The following CCNY variants were observed in gnomAD, a reference collection of about 807,000 sequenced individuals.
CCNY encodes the protein cyclin-Y.
Under a neutral mutation model 42.8 loss-of-function variants are expected in CCNY, and 19 were observed. The observed-to-expected ratio is 0.44, with a 90% CI of 0.31 to 0.65. The LOEUF (loss-of-function observed/expected upper bound fraction) is 0.65, where lower values mean the gene tolerates loss of function less well. Ranked by LOEUF, CCNY falls within the 30% of genes least tolerant of loss-of-function variation. CCNY has a pLI of 0.07. For synonymous variants in CCNY, 165 were observed against 162.7 expected (o/e 1.01, Z -0.11); for missense variants, 370 against 437.3 (o/e 0.85, Z 1.37).
chr10:35,504,741 A>G (rs1840180175), intron 3 of CCNY, among the ~76,000 whole-genome samples: 2 of 152,166 alleles, frequency 1.3e-5, no homozygotes, highest in East Asian at 1.9e-4. Flanking sequence ...GGTTCAAACT[A>G]TTCACCTGCC....
intron 1 of CCNY, among the ~76,000 whole-genome samples, chr10:35,345,410 A>G (rs954210467): frequency 6.6e-6 from 1 of 150,692 alleles, no homozygotes; most frequent in Non-Finnish European, 1.5e-5. Context: ...CGGAGCTTGC[A>G]GTGAACCGAG....
chr10:35,473,870 T>G (rs1479803992), intron 1 of CCNY, among the ~76,000 whole-genome samples: 3 of 152,122 alleles, frequency 2.0e-5, no homozygotes, highest in Non-Finnish European at 2.9e-5. Flanking sequence ...ATTTCTGCAT[T>G]TCCATCTGAG....
Position 35,418,969 on chromosome 10 carries a change from C to T in CCNY, c.155-64435C>T, listed in dbSNP as rs547802440. ...CCGAGTAGCTGGGATTATAGGCACG[C>T]GCCACCACACCCAGCTAATTTTTGT... On this transcript the variant is annotated intron_variant, in intron 1 of 9. Transcript: ENST00000374704. Among the ~76,000 whole-genome samples, 39 of 152,098 alleles carry T rather than the reference C, an allele frequency of 2.6e-4. No individual in the cohort carries two copies. In the East Asian group the frequency reaches 4.3e-3, roughly 17 times the overall value.
At chr10:35,533,616 G>T (rs1296270814) in intron 7 of CCNY, among the ~76,000 whole-genome samples, 1 of 152,116 alleles carries the variant, frequency 6.6e-6, no homozygotes, top group African/African-American at 2.4e-5. Flanking sequence ...GGCACATCAG[G>T]GGGCTGTTGC....
At chr10:35,257,130 CACACTGTATG>C (rs1476663163) in intron 3 of CCNY, among the ~76,000 whole-genome samples, 5 of 152,108 alleles carry the variant, frequency 3.3e-5, no homozygotes, top group Non-Finnish European at 7.4e-5. Flanking sequence ...CCTTACATTT[CACACTGTATG>C]ACTTTCTTGA....
chr10:35,290,816 G>GA (rs1281056806), intron 3 of CCNY, among the ~76,000 whole-genome samples: 3 of 151,406 alleles, frequency 2.0e-5, no homozygotes, highest in African/African-American at 7.3e-5. Context: ...TAACAACAAC[G>GA]AAAAAAACAA....
chr10:35,464,864 A>G (rs146309093), intron 1 of CCNY, among the ~76,000 whole-genome samples: 1,974 of 152,288 alleles, frequency 0.013, 20 homozygotes, highest in Non-Finnish European at 0.021. Context: ...TCTAGCTTTC[A>G]GGGTGTTGTC....
At chr10:35,336,160 C>T (rs144003374), upstream of CCNY, 4,103 of 152,290 alleles carry the variant, frequency 0.027, 75 homozygotes, top group South Asian at 0.051. Flanking sequence ...GCGCCCTGGG[C>T]CTGCGTCCCC....
chr10:35,496,370 G>T (rs568053921), intron 2 of CCNY, among the ~76,000 whole-genome samples: 2 of 152,336 alleles, frequency 1.3e-5, no homozygotes, highest in East Asian at 3.9e-4. Flanking sequence ...CCTACACGCG[G>T]TCTCCTCTCT....
At chr10:35,354,623 T>C (rs1836503938) in intron 1 of CCNY, among the ~76,000 whole-genome samples, 2 of 152,230 alleles carry the variant, frequency 1.3e-5, no homozygotes, top group Non-Finnish European at 1.5e-5. Flanking sequence ...GGGGCCCATC[T>C]TGGATGCTGC....
intron 2 of CCNY, among the ~76,000 whole-genome samples, chr10:35,248,915 C>A (rs2095709947): frequency 6.6e-6 from 1 of 152,094 alleles, no homozygotes; most frequent in Admixed American, 6.5e-5. Context: ...CTGAATTTTA[C>A]ACTTTTTAAA....
At position 35,516,639 on chromosome 10, in the gene CCNY, T is replaced by C. The variant is rs1359052916; in HGVS notation, c.365+16T>C. 7 of 1,387,798 alleles carry C rather than the reference T, an allele frequency of 5.0e-6. No individual in the cohort carries two copies. Among genetic ancestry groups the C allele is most frequent in the Non-Finnish European group, 7.0e-6 (7 of 1,001,152 alleles). 86.0% of individuals were successfully genotyped at this position (1,387,798 alleles called of 1,614,324 possible). A position where few individuals can be genotyped will look rare whatever the true frequency, so the allele number is the denominator to read the frequency against. Reference sequence around the variant, plus strand: ...CAATTAAATGGTGGGTATATGGATTTATTTCCTTCCTTCCTTCCTTCCTTT... The same window carrying C: ...CAATTAAATGGTGGGTATATGGATTCATTTCCTTCCTTCCTTCCTTCCTTT... On this transcript the variant is annotated intron_variant, in intron 4 of 9. Coordinates refer to ENST00000374704, the MANE Select transcript of CCNY (RefSeq NM_145012.6).
intron 1 of CCNY, among the ~76,000 whole-genome samples, chr10:35,479,611 T>A (rs1221677476): frequency 1.6e-4 from 4 of 24,382 alleles, no homozygotes; most frequent in African/African-American, 3.5e-4. Flanking sequence ...TGTTGTGGGG[T>A]GGGGGGAGGG....
intron 1 of CCNY, among the ~76,000 whole-genome samples, chr10:35,378,928 T>C (rs1837115193): frequency 6.6e-6 from 1 of 152,152 alleles, no homozygotes; most frequent in Non-Finnish European, 1.5e-5. Flanking sequence ...GCTTTATTGG[T>C]GAGAAGCTGA....
rs556153316 is a variant in CCNY, at chr10:35,553,173, C to T, written c.734C>T (p.Thr245Met). The T allele has an allele frequency of 5.0e-6, 8 of 1,614,038 alleles. No homozygotes were observed. The South Asian group carries it at 6.6e-5, about 13-fold the overall frequency. ...TACTGCCAGATCCTGAAAGACATCA[C>T]GGTGGAGGACATGTGAGTTGGGGGG... Reference protein sequence around the residue: ...VDYCQILKDITVEDMNELERQ... With the variant: ...VDYCQILKDIMVEDMNELERQ... Residue 245 changes from threonine to methionine, a missense_variant, in exon 8 of 10, where the codon ACG becomes ATG. Thr to Met is a moderately conservative substitution (Grantham distance 81, BLOSUM62 -1). Coordinates refer to ENST00000374704, the MANE Select transcript of CCNY (RefSeq NM_145012.6).
chr10:35,350,787 T>C (rs1405051080), intron 1 of CCNY, among the ~76,000 whole-genome samples: 4 of 152,292 alleles, frequency 2.6e-5, no homozygotes, highest in East Asian at 1.9e-4. Context: ...GCTGCTGGAT[T>C]GAGGAAATGG....
chr10:35,345,466 CA>C (rs568926736), intron 1 of CCNY, among the ~76,000 whole-genome samples: 11,755 of 68,388 alleles, frequency 0.17, 700 homozygotes, highest in African/African-American at 0.34. Context: ...GACTCCATCT[CA>C]AAAAAAAAAA....
At chr10:35,503,678 T>C (rs1021230479) in intron 3 of CCNY, among the ~76,000 whole-genome samples, 14 of 152,240 alleles carry the variant, frequency 9.2e-5, no homozygotes, top group Admixed American at 9.2e-4. Flanking sequence ...ATTGGTTTAA[T>C]GGACTCATTT....
chr10:35,550,543 C>G (rs554592857), intron 7 of CCNY, among the ~76,000 whole-genome samples: 4 of 152,060 alleles, frequency 2.6e-5, no homozygotes, highest in Non-Finnish European at 5.9e-5. Flanking sequence ...CCTGCTGAAT[C>G]CCCCATGCCT....
Sources: gnomAD v4.1 joint callset for allele counts (sites outside exome capture counted in the v4.1 genomes callset) on GRCh38, gnomAD v4.1.1 for gene constraint, MANE v1.5 for transcripts, NCBI Gene and HGNC (gene_info 2026-07-23, HGNC 2026-07-21) for gene names.